The following CCDC178 variants were observed in gnomAD, a reference collection of about 807,000 sequenced individuals.
CCDC178 encodes coiled-coil domain-containing protein 178.
CCDC178 carries 126 observed loss-of-function variants against 117.4 expected under a neutral mutation model. The observed-to-expected ratio is 1.07, with a 90% CI of 0.93 to 1.24. CCDC178 has a LOEUF of 1.24. CCDC178 is among the 50% of genes most tolerant of loss of function. The pLI is 0.00. For synonymous variants in CCDC178, 283 were observed against 313.4 expected (o/e 0.90, Z 1.02); for missense variants, 1,030 against 986.9 (o/e 1.04, Z -0.59).
intron 21 of CCDC178, among the ~76,000 whole-genome samples, chr18:33,027,490 C>G (rs2056252510): frequency 6.6e-6 from 1 of 151,256 alleles, no homozygotes; most frequent in Non-Finnish European, 1.5e-5. Flanking sequence ...CTGCCACATA[C>G]AAAAACAAAT....
At chr18:33,299,768 C>T (rs1159097466) in intron 11 of CCDC178, among the ~76,000 whole-genome samples, 2 of 64,620 alleles carry the variant, frequency 3.1e-5, no homozygotes, top group African/African-American at 4.4e-5. Flanking sequence ...TCAAACATCT[C>T]AACAGAAAAA....
intron 2 of CCDC178, among the ~76,000 whole-genome samples, chr18:33,433,928 G>T (rs1206444652): frequency 1.3e-5 from 2 of 152,056 alleles, no homozygotes; most frequent in Non-Finnish European, 2.9e-5. Context: ...TTCTATTATT[G>T]AAATATGTTT....
rs1159232833 is a variant in CCDC178, at chr18:33,440,022, A to G, written c.-83T>C. Reference sequence around the variant, plus strand: ...TTGGGGTGCTTTCGAGCAAGCAAGTATAAAATTCTCAGCCTCTCCGCCAGG... The same window carrying G: ...TTGGGGTGCTTTCGAGCAAGCAAGTGTAAAATTCTCAGCCTCTCCGCCAGG... On this transcript the variant is annotated 5_prime_UTR_variant, in exon 2 of 23. Transcript: ENST00000383096. 6.6e-6 allele frequency: 1 copy of G among 152,190 alleles called. No individual in the cohort carries two copies. The highest frequency in any genetic ancestry group is 1.5e-5 in the Non-Finnish European group (1 of 68,044). 9.4% of individuals were successfully genotyped at this position (152,190 alleles called of 1,614,324 possible). A position where few individuals can be genotyped will look rare whatever the true frequency, so the allele number is the denominator to read the frequency against.
intron 22 of CCDC178, among the ~76,000 whole-genome samples, chr18:32,962,624 G>T (rs2054727856): frequency 6.6e-6 from 1 of 151,952 alleles, no homozygotes; most frequent in Non-Finnish European, 1.5e-5. Flanking sequence ...GATGTTAGAG[G>T]TAATTTTTTG....
Position 33,258,728 on chromosome 18 carries a change from A to T in CCDC178, c.1409+8188T>A, listed in dbSNP as rs534457960. ...TGCTTTTTAAGTCTGTTTTCTTTAA[A>T]TATAAATATATTTAGTCCTAAGTAT... On this transcript the variant is annotated intron_variant, in intron 14 of 22. Transcript: ENST00000383096. Among the ~76,000 whole-genome samples the T allele has an allele frequency of 3.9e-5, 6 of 152,302 alleles. No homozygotes were observed. In the South Asian group the frequency reaches 6.2e-4, roughly 16 times the overall value.
intron 21 of CCDC178, among the ~76,000 whole-genome samples, chr18:32,980,600 A>G (rs1029681486): frequency 3.3e-5 from 5 of 149,656 alleles, no homozygotes; most frequent in African/African-American, 9.9e-5. Flanking sequence ...AAAAGCCCCT[A>G]TAAGTCAATA....
At chr18:33,157,540 G>A (rs1454936895) in intron 20 of CCDC178, among the ~76,000 whole-genome samples, 2 of 151,996 alleles carry the variant, frequency 1.3e-5, no homozygotes, top group African/African-American at 4.8e-5. Context: ...TAAAACATCA[G>A]CACAATTTTT....
intron 2 of CCDC178, among the ~76,000 whole-genome samples, chr18:33,434,182 A>G (rs1369924282): frequency 6.6e-6 from 1 of 152,124 alleles, no homozygotes; most frequent in Non-Finnish European, 1.5e-5. Context: ...AACCAGAGAT[A>G]TAAAAAATAT....
At chr18:33,089,492 C>G (rs1200660671) in intron 21 of CCDC178, among the ~76,000 whole-genome samples, 2 of 152,110 alleles carry the variant, frequency 1.3e-5, no homozygotes, top group East Asian at 3.9e-4. Context: ...TTTGTCCACA[C>G]AAGTATTTGT....
intron 21 of CCDC178, among the ~76,000 whole-genome samples, chr18:33,030,168 T>C (rs1598806026): frequency 1.3e-5 from 2 of 152,104 alleles, no homozygotes; most frequent in African/African-American, 4.8e-5. Context: ...CCTGCATATA[T>C]ATTTAACATA....
intron 22 of CCDC178, among the ~76,000 whole-genome samples, chr18:32,950,639 T>C (rs535196875): frequency 2.6e-5 from 4 of 152,280 alleles, no homozygotes; most frequent in African/African-American, 7.2e-5. Context: ...ACTGGTGATA[T>C]GGCTGTGTGG....
intron 21 of CCDC178, among the ~76,000 whole-genome samples, chr18:32,984,169 A>G (rs1219781803): frequency 6.6e-6 from 1 of 151,898 alleles, no homozygotes; most frequent in Non-Finnish European, 1.5e-5. Context: ...TGGTGCTGGC[A>G]TTTAAGAAAA....
chr18:33,040,802 C>T (rs896449194), intron 21 of CCDC178, among the ~76,000 whole-genome samples: 11 of 152,034 alleles, frequency 7.2e-5, no homozygotes, highest in African/African-American at 2.4e-4. Flanking sequence ...AAAAATAGCA[C>T]ATGGTAAGCC....
intron 12 of CCDC178, among the ~76,000 whole-genome samples, chr18:33,275,938 A>G (rs927587558): frequency 6.6e-6 from 1 of 151,948 alleles, no homozygotes; most frequent in East Asian, 1.9e-4. Flanking sequence ...TAACCTTGAT[A>G]TATATCCACA....
rs142346325 is a variant in CCDC178 at position 33,092,827 on chromosome 18, C to T, written c.2322G>A (p.Lys774=). The change falls in exon 21 of 23, where the codon AAG becomes AAA. Residue 774 remains lysine (K), a synonymous_variant. Transcript: ENST00000383096. ...TATCATATATATTGAAATAATTGTCCTTTTCTTTTAAGAATGTAATCTGTA... is the reference window on the plus strand; with the variant it reads ...TATCATATATATTGAAATAATTGTCTTTTTCTTTTAAGAATGTAATCTGTA... ...QQLQITFLKE[K]DNYFNIYDKQ... The T allele has an allele frequency of 9.6e-6, 15 of 1,570,222 alleles. No individual in the cohort carries two copies. In the African/African-American group the frequency reaches 1.9e-4, roughly 20 times the overall value.
At chr18:33,016,173 A>C (rs573506916) in intron 21 of CCDC178, among the ~76,000 whole-genome samples, 1 of 152,242 alleles carries the variant, frequency 6.6e-6, no homozygotes, top group Non-Finnish European at 1.5e-5. Flanking sequence ...CAAAAATATA[A>C]ATAGCTGACT....
chr18:32,994,506 C>T lies in CCDC178; in HGVS notation c.2389-19825G>A, dbSNP rs545819162. ...CCTATATTATTAAGTCTAAATTCCA[C>T]TTTGCCTTTGAAATGAAGATACCCT... On this transcript the variant is annotated intron_variant, in intron 21 of 22. Coordinates refer to ENST00000383096, the MANE Select transcript of CCDC178 (RefSeq NM_001105528.4). Among the ~76,000 whole-genome samples, 163 of 152,144 alleles carry T rather than the reference C, an allele frequency of 1.1e-3. 1 individual carries two copies. The highest frequency in any genetic ancestry group is 2.1e-3 in the Non-Finnish European group (144 of 68,026).
rs541706954 is a variant in CCDC178, at chr18:33,193,120, G to A, written c.2238+18776C>T. On this transcript the variant is annotated intron_variant, in intron 20 of 22. Coordinates refer to ENST00000383096, the MANE Select transcript of CCDC178 (RefSeq NM_001105528.4). Reference sequence around the variant, plus strand: ...TAAACAAAATACAAAAAAATTAGCCGGGCGTGGTGGCAGGCGCCTGTAGTC... The same window carrying A: ...TAAACAAAATACAAAAAAATTAGCCAGGCGTGGTGGCAGGCGCCTGTAGTC... Among the ~76,000 whole-genome samples the A allele has an allele frequency of 2.4e-3, 359 of 150,706 alleles. 2 individuals carry two copies. Among genetic ancestry groups the A allele is most frequent in the Admixed American group, 5.7e-3 (87 of 15,140 alleles).
intron 21 of CCDC178, among the ~76,000 whole-genome samples, chr18:33,023,530 GA>G (rs1281178372): frequency 6.6e-6 from 1 of 152,032 alleles, no homozygotes; most frequent in Non-Finnish European, 1.5e-5. Context: ...GAATGAAAAT[GA>G]AAAAGCAACA....
Sources: gnomAD v4.1 joint callset for allele counts (sites outside exome capture counted in the v4.1 genomes callset) on GRCh38, gnomAD v4.1.1 for gene constraint, MANE v1.5 for transcripts, NCBI Gene and HGNC (gene_info 2026-07-23, HGNC 2026-07-21) for gene names.